Variants in CYTH3 observed in about 807,000 individuals in gnomAD.
CYTH3 encodes the protein cytohesin 3.
In CYTH3, 23 loss-of-function variants were observed where a neutral mutation model predicts 55.1. That is an observed-to-expected ratio of 0.42 (90% CI 0.30 to 0.59). The LOEUF (loss-of-function observed/expected upper bound fraction) is 0.59, where lower values mean the gene tolerates loss of function less well. Ranked by LOEUF, CYTH3 falls within the 20% of genes least tolerant of loss-of-function variation. The pLI is 0.20. For missense variants in CYTH3, 413 were observed against 524.8 expected, an observed-to-expected ratio of 0.79 and a Z score of 2.08; for synonymous variants, 249 against 194.9, an observed-to-expected ratio of 1.28 and a Z score of -2.31.
At chr7:6,244,719 A>C (rs1779758763) in intron 1 of CYTH3, among the ~76,000 whole-genome samples, 1 of 152,148 alleles carries the variant, frequency 6.6e-6, no homozygotes, top group African/African-American at 2.4e-5. Context: ...AATGGTCAAA[A>C]CCTTGAAAGA....
At chr7:6,272,324 G>A (rs1780685448) in intron 1 of CYTH3, 150 bp downstream of exon 1, 3 of 667,588 alleles carry the variant, frequency 4.5e-6, no homozygotes, top group South Asian at 1.3e-4. Flanking sequence ...CCCTGGCCCG[G>A]CGTGCCTCAG....
At chr7:6,264,387 G>C (rs567131157) in intron 1 of CYTH3, among the ~76,000 whole-genome samples, 1 of 152,150 alleles carries the variant, frequency 6.6e-6, no homozygotes, top group South Asian at 2.1e-4. Context: ...CAAAGCGGGT[G>C]GATCATTTGC....
At chr7:6,210,027 A>G (rs1391653902) in intron 1 of CYTH3, among the ~76,000 whole-genome samples, 1 of 152,186 alleles carries the variant, frequency 6.6e-6, no homozygotes, top group Non-Finnish European at 1.5e-5. Flanking sequence ...ATGATACGGT[A>G]ATGGTGGATC....
At chr7:6,243,835 C>T (rs185570162) in intron 1 of CYTH3, among the ~76,000 whole-genome samples, 6 of 152,210 alleles carry the variant, frequency 3.9e-5, no homozygotes, top group East Asian at 1.9e-4. Context: ...AGGTTTGAAT[C>T]GTATGGAGTC....
At position 6,170,790 on chromosome 7, in the gene CYTH3, G is replaced by A; in HGVS notation, c.711+40C>T. The A allele has an allele frequency of 6.3e-7, 1 of 1,594,782 alleles. No homozygotes were observed. Among genetic ancestry groups the A allele is most frequent in the Non-Finnish European group, 8.5e-7 (1 of 1,170,574 alleles). The stretch of plus-strand genomic sequence containing the variant: ...GCGCTGCGGCCGCTCACAGCGAAGA[G>A]ATCCTGCAGACGGCAGCGGCCGCGG... On this transcript the variant is annotated intron_variant, in intron 8 of 12. Coordinates refer to ENST00000350796, the MANE Select transcript of CYTH3 (RefSeq NM_004227.4). This position sits in a 1 kb window ranked among gnomAD's most constrained non-coding sequence, Gnocchi z 7.8.
At chr7:6,180,343 G>A (rs1281435503) in intron 4 of CYTH3, among the ~76,000 whole-genome samples, 1 of 152,202 alleles carries the variant, frequency 6.6e-6, no homozygotes, top group African/African-American at 2.4e-5. Flanking sequence ...TATCTGGCAG[G>A]TGACAAAGAG....
At chr7:6,255,770 T>G (rs935812814) in intron 1 of CYTH3, among the ~76,000 whole-genome samples, 1 of 145,744 alleles carries the variant, frequency 6.9e-6, no homozygotes, top group Non-Finnish European at 1.5e-5. Flanking sequence ...TTTTTTTTTT[T>G]TTTTTTTTTT....
At chr7:6,173,257 T>TC (rs753164533) in intron 6 of CYTH3, among the ~76,000 whole-genome samples, 27 of 152,094 alleles carry the variant, frequency 1.8e-4, no homozygotes, top group Non-Finnish European at 2.8e-4. Context: ...ACCTACATCC[T>TC]CTCTGGCACA....
chr7:6,267,585 G>A (rs1056919958), intron 1 of CYTH3, among the ~76,000 whole-genome samples: 9 of 152,282 alleles, frequency 5.9e-5, no homozygotes, highest in East Asian at 3.9e-4. Context: ...AGGCAGTGGC[G>A]CTATCTCGGC....
At chr7:6,226,819 G>A (rs920976840) in intron 1 of CYTH3, among the ~76,000 whole-genome samples, 1 of 152,180 alleles carries the variant, frequency 6.6e-6, no homozygotes, top group Non-Finnish European at 1.5e-5. Context: ...GGTGGCTCAT[G>A]CCTGTAATCC....
rs569625274 is a variant in CYTH3 at position 6,188,087 on chromosome 7, G to A, written c.118-366C>T. ...CATGCCTGTAATCCCAGCATTTTGG[G>A]AGGTTGAAGCAGAGGGATCGCTTGA... On this transcript the variant is annotated intron_variant, in intron 2 of 12. Transcript: ENST00000350796. Among the ~76,000 whole-genome samples, 10 of 152,288 alleles carry A rather than the reference G, an allele frequency of 6.6e-5. No individual in the cohort carries two copies. In the South Asian group the frequency reaches 2.1e-3, roughly 32 times the overall value.
chr7:6,181,135 G>A (rs950429994), intron 4 of CYTH3, among the ~76,000 whole-genome samples: 26 of 152,090 alleles, frequency 1.7e-4, no homozygotes, highest in Middle Eastern at 6.8e-3. Context: ...AACCTTAGCT[G>A]TTCCTTCCTT....
At chr7:6,255,474 G>C (rs565688497) in intron 1 of CYTH3, among the ~76,000 whole-genome samples, 1 of 152,306 alleles carries the variant, frequency 6.6e-6, no homozygotes, top group African/African-American at 2.4e-5. Context: ...ACAGGACTAA[G>C]ACTATTTAGG....
intron 2 of CYTH3, among the ~76,000 whole-genome samples, chr7:6,190,090 G>C (rs948049480): frequency 6.6e-6 from 1 of 152,072 alleles, no homozygotes; most frequent in Non-Finnish European, 1.5e-5. Context: ...ACGAAAGAGG[G>C]TCTCAGTGCA....
chr7:6,197,126 G>A (rs1244207843), intron 1 of CYTH3, among the ~76,000 whole-genome samples: 2 of 152,220 alleles, frequency 1.3e-5, no homozygotes, highest in African/African-American at 2.4e-5. Context: ...CCTTTTAATC[G>A]GAATCAAAGG....
At chr7:6,198,275 T>A (rs1033106899) in intron 1 of CYTH3, among the ~76,000 whole-genome samples, 6 of 152,182 alleles carry the variant, frequency 3.9e-5, no homozygotes, top group African/African-American at 1.4e-4. Flanking sequence ...TCTGAACCAG[T>A]CTCTGCGGAG....
In CYTH3 at chr7:6,187,114, T is replaced by C. The variant is rs761618708; in HGVS notation, c.185A>G (p.Lys62Arg). 6.2e-7 allele frequency: 1 copy of C among 1,614,100 alleles called. No individual in the cohort carries two copies. The highest frequency in any genetic ancestry group is 1.7e-5 in the Admixed American group (1 of 60,026). The change falls in exon 4 of 13, where the codon AAA (lysine) becomes AGA (arginine). Residue 62 changes from lysine to arginine, a missense_variant and splice_region_variant. Lys to Arg is a conservative substitution (Grantham distance 26, BLOSUM62 2). Coordinates refer to ENST00000350796, the MANE Select transcript of CYTH3 (RefSeq NM_004227.4). ...TATCTGTTTGTTCCTCTGAGTCGTT[T>C]TGCTATTGGTGTGAAATAATTTAAA... ...IDNLTSVEES[K>R]TTQRNKQIAM...
chr7:6,251,904 T>C (rs1248821448), intron 1 of CYTH3, among the ~76,000 whole-genome samples: 2 of 152,178 alleles, frequency 1.3e-5, no homozygotes, highest in Non-Finnish European at 2.9e-5. Flanking sequence ...ATGAGAAATC[T>C]GACCCCCTTA....
chr7:6,227,561 G>A (rs1779287815), intron 1 of CYTH3, among the ~76,000 whole-genome samples: 1 of 152,166 alleles, frequency 6.6e-6, no homozygotes, highest in African/African-American at 2.4e-5. Flanking sequence ...TCCCACTACA[G>A]ACAGAATCAA....
Sources: allele counts gnomAD v4.1 joint callset (sites outside exome capture counted in the v4.1 genomes callset), GRCh38; gene constraint gnomAD v4.1.1; non-coding constraint Gnocchi (gnomAD v3.1); transcripts MANE v1.5; gene names NCBI Gene and HGNC (gene_info 2026-07-23, HGNC 2026-07-21).